The following SPATC1 variants were observed in gnomAD, a reference collection of about 807,000 sequenced individuals.
SPATC1 encodes the protein speriolin.
A neutral mutation model predicts 36.5 loss-of-function variants in SPATC1; 35 were observed. The observed-to-expected ratio is 0.96, with a 90% CI of 0.73 to 1.27. The LOEUF is 1.27. Ranked by LOEUF, SPATC1 falls within the 50% of genes most tolerant of loss-of-function variation. SPATC1 has a pLI of 0.00. For synonymous variants in SPATC1, 361 were observed against 353.6 expected (o/e 1.02, Z -0.24); for missense variants, 779 against 796.0 (o/e 0.98, Z 0.26).
Position 144,012,649 on chromosome 8 carries a change from C to G in SPATC1, c.134C>G (p.Ala45Gly). The G allele has an allele frequency of 1.9e-6, 3 of 1,551,720 alleles. No individual in the cohort carries two copies. Among genetic ancestry groups the G allele is most frequent in the Non-Finnish European group, 2.6e-6 (3 of 1,146,994 alleles). ...HELKSAIKTQ[A>G]GGLGISGFTS... ...CTCAAGTCAGCGATCAAGACTCAGG[C>G]AGGCGGGCTCGGCATCAGCGGGTTC... is the stretch of plus-strand genomic sequence containing the variant. Residue 45 changes from alanine to glycine, a missense_variant, in exon 1 of 5, where the codon GCA becomes GGA. Ala to Gly is a moderately conservative substitution (Grantham distance 60, BLOSUM62 0). Coordinates refer to ENST00000377470, the MANE Select transcript of SPATC1 (RefSeq NM_198572.3).
At position 144,012,379 on chromosome 8, in the gene SPATC1, C is replaced by A; in HGVS notation, c.-137C>A. 1 of 694,284 alleles carries A rather than the reference C, an allele frequency of 1.4e-6. No homozygotes were observed. Among genetic ancestry groups the A allele is most frequent in the South Asian group, 1.8e-5 (1 of 54,410 alleles). 43.0% of individuals were successfully genotyped at this position (694,284 alleles called of 1,614,324 possible). On this transcript the variant is annotated 5_prime_UTR_variant, in exon 1 of 5. Transcript: ENST00000377470. ...CAAGGAAGAGGGCACAGCCTCTGACCTCACAATACCCAGGGCCCACTGGGC... is the reference window on the plus strand; with the variant it reads ...CAAGGAAGAGGGCACAGCCTCTGACATCACAATACCCAGGGCCCACTGGGC...
intron 4 of SPATC1, among the ~76,000 whole-genome samples, chr8:144,044,171 A>G (rs781955780): frequency 2.0e-5 from 3 of 152,134 alleles, no homozygotes; most frequent in Admixed American, 6.5e-5. Flanking sequence ...CAATACATCA[A>G]TAATAGAGGT....
intron 1 of SPATC1, among the ~76,000 whole-genome samples, chr8:144,033,435 C>T (rs991525392): frequency 1.2e-3 from 187 of 152,148 alleles, no homozygotes; most frequent in African/African-American, 4.2e-3. Flanking sequence ...AGTTAAAATG[C>T]CTATGTTTTC....
At chr8:144,029,464 G>T (rs1834752976) in intron 1 of SPATC1, among the ~76,000 whole-genome samples, 1 of 152,154 alleles carries the variant, frequency 6.6e-6, no homozygotes, top group Admixed American at 6.5e-5. Flanking sequence ...CTACTCGGGA[G>T]GCTGAGGCAG....
rs782536764 is a variant in SPATC1, at chr8:144,041,311, C to T, written c.1386C>T (p.Phe462=). ...QLDRRILSSI[F]PERVRLYGFT... Reference sequence around the variant, plus strand: ...ACCGCAGGATCCTGTCCAGCATCTTCCCAGAGCGCGTACGGCTCTACGGCT... The same window carrying T: ...ACCGCAGGATCCTGTCCAGCATCTTTCCAGAGCGCGTACGGCTCTACGGCT... Residue 462 remains phenylalanine (F), a synonymous_variant, in exon 4 of 5, where the codon TTC becomes TTT. Coordinates refer to ENST00000377470, the MANE Select transcript of SPATC1 (RefSeq NM_198572.3). 1 of 1,613,148 alleles carries T rather than the reference C, an allele frequency of 6.2e-7. No homozygotes were observed. Among genetic ancestry groups the T allele is most frequent in the Non-Finnish European group, 8.5e-7 (1 of 1,180,030 alleles).
In SPATC1 at chr8:144,022,810, C is replaced by T. The variant is rs892550989; in HGVS notation, c.211+10084C>T. Among the ~76,000 whole-genome samples the T allele has an allele frequency of 2.6e-4, 38 of 148,866 alleles. 1 individual carries two copies. The highest frequency in any genetic ancestry group is 7.4e-4 in the African/African-American group (29 of 39,360). ...ACCCACTTCTCTGAAAACCCTCCCC[C>T]GTCAGGACCCTCTTTTCTAACGACC... On this transcript the variant is annotated intron_variant, in intron 1 of 4. Coordinates refer to ENST00000377470, the MANE Select transcript of SPATC1 (RefSeq NM_198572.3).
chr8:144,039,883 T>C, intron 1 of SPATC1, 26 bp from the exon 2 acceptor site: 1 of 1,597,892 alleles, frequency 6.3e-7, no homozygotes, highest in Non-Finnish European at 8.5e-7. Context: ...TCCCCTGGGG[T>C]CTCAGTGCTT....
rs563326708 is a variant in SPATC1, at chr8:144,039,390, C to T, written c.212-519C>T. The stretch of plus-strand genomic sequence containing the variant: ...CAGGGCAGGGACCATGCAAGGGTGC[C>T]GGGCCACGTGAGGCTCTGCCCATTG... On this transcript the variant is annotated intron_variant, in intron 1 of 4. Coordinates refer to ENST00000377470, the MANE Select transcript of SPATC1 (RefSeq NM_198572.3). Among the ~76,000 whole-genome samples the T allele has an allele frequency of 4.6e-5, 7 of 152,360 alleles. No homozygotes were observed. The East Asian group carries it at 5.8e-4, about 13-fold the overall frequency.
rs1465827037 is a variant in SPATC1 at position 144,047,073 on chromosome 8, C to T, written c.*117C>T. ...CCAGCGCTCCTGGGTGGTGCTGCCT[C>T]CTCTGGGGTGGCTCACCGGGCCCCG... On this transcript the variant is annotated 3_prime_UTR_variant, in exon 5 of 5. Transcript: ENST00000377470. This position sits in a 1 kb window ranked among gnomAD's most constrained non-coding sequence, Gnocchi z 4.1. 19 of 1,301,654 alleles carry T rather than the reference C, an allele frequency of 1.5e-5. No individual in the cohort carries two copies. The highest frequency in any genetic ancestry group is 1.9e-5 in the Non-Finnish European group (18 of 966,840). The allele number at this position is 1,301,654 out of a possible 1,614,324, so 80.6% of individuals were successfully genotyped here.
In SPATC1 at chr8:144,045,385, G is replaced by A. The variant is rs1157320452; in HGVS notation, c.1447-1242G>A. On this transcript the variant is annotated intron_variant, in intron 4 of 4. Coordinates refer to ENST00000377470, the MANE Select transcript of SPATC1 (RefSeq NM_198572.3). The surrounding 1 kb of genome is among the most constrained non-coding windows in gnomAD (Gnocchi z 5.2). ...GTTGACGTCACATTAACCGGGCCCG[G>A]TCCTGAGTCCAGCCCCAAGACTGGT... Among the ~76,000 whole-genome samples, 1 of 152,216 alleles carries A rather than the reference G, an allele frequency of 6.6e-6. No individual in the cohort carries two copies. The highest frequency in any genetic ancestry group is 1.5e-5 in the Non-Finnish European group (1 of 68,042).
intron 1 of SPATC1, among the ~76,000 whole-genome samples, chr8:144,036,414 T>G (rs1834899295): frequency 6.6e-6 from 1 of 152,056 alleles, no homozygotes; most frequent in Non-Finnish European, 1.5e-5. Flanking sequence ...AGCCCCAACC[T>G]CCTGGGATCA....
chr8:144,035,078 A>C lies in SPATC1; in HGVS notation c.212-4831A>C, dbSNP rs990522757. Reference sequence around the variant, plus strand: ...TTGAACATTTCATGATTTGCTGAACAATTTTTCCGTGGTTTGTTGTGCCAA... The same window carrying C: ...TTGAACATTTCATGATTTGCTGAACCATTTTTCCGTGGTTTGTTGTGCCAA... On this transcript the variant is annotated intron_variant, in intron 1 of 4. Transcript: ENST00000377470. Among the ~76,000 whole-genome samples, 817 of 150,114 alleles carry C rather than the reference A, an allele frequency of 5.4e-3. 4 individuals carry two copies. Among genetic ancestry groups the C allele is most frequent in the African/African-American group, 0.019 (754 of 39,534 alleles).
At chr8:144,018,436 A>T (rs1006792617) in intron 1 of SPATC1, among the ~76,000 whole-genome samples, 1 of 152,088 alleles carries the variant, frequency 6.6e-6, no homozygotes, top group African/African-American at 2.4e-5. Context: ...GGAGGGCATG[A>T]GGTCCAGAAC....
rs1587524361 is a variant in SPATC1, at chr8:144,040,168, G to A, written c.471G>A (p.Leu157=). ...GPLTGTLASS[L]GLPSTGTLTP... ...TAACAGGCACACTGGCCAGTTCCCTGGGCCTGCCCTCCACTGGCACCCTGA... is the reference window on the plus strand; with the variant it reads ...TAACAGGCACACTGGCCAGTTCCCTAGGCCTGCCCTCCACTGGCACCCTGA... Residue 157 remains leucine (L), a synonymous_variant, in exon 2 of 5, where the codon CTG becomes CTA. Transcript: ENST00000377470. The A allele has an allele frequency of 4.3e-6, 7 of 1,610,296 alleles. No homozygotes were observed. In the East Asian group the frequency reaches 1.6e-4, roughly 36 times the overall value.
chr8:144,014,391 A>G (rs1485461708), intron 1 of SPATC1, among the ~76,000 whole-genome samples: 1 of 120,492 alleles, frequency 8.3e-6, no homozygotes, highest in Non-Finnish European at 1.7e-5. Context: ...GAGGAGGAGA[A>G]GAAGAACAAG....
intron 1 of SPATC1, among the ~76,000 whole-genome samples, chr8:144,037,180 T>C (rs1390186112): frequency 1.9e-4 from 22 of 115,468 alleles, no homozygotes; most frequent in Admixed American, 1.4e-3. Context: ...GGCCGCCCCG[T>C]CCGGGAGGGA....
chr8:144,037,906 G>C (rs1834951607), intron 1 of SPATC1, among the ~76,000 whole-genome samples: 1 of 151,708 alleles, frequency 6.6e-6, no homozygotes, highest in South Asian at 2.1e-4. Context: ...AAGGCGGGCA[G>C]ATCATGAGGT....
At chr8:144,019,226 C>G (rs1457096416) in intron 1 of SPATC1, among the ~76,000 whole-genome samples, 1 of 152,144 alleles carries the variant, frequency 6.6e-6, no homozygotes, top group Non-Finnish European at 1.5e-5. Context: ...GGGAGGCAAG[C>G]AGGCAGTGCC....
chr8:144,037,731 T>C lies in SPATC1; in HGVS notation c.212-2178T>C, dbSNP rs1483014702. On this transcript the variant is annotated intron_variant, in intron 1 of 4. Transcript: ENST00000377470. ...GACCTTTGTTCACTTGTTTATCTGCTGACCTTCCCTCCACTATTGTCCTAT... is the reference window on the plus strand; with the variant it reads ...GACCTTTGTTCACTTGTTTATCTGCCGACCTTCCCTCCACTATTGTCCTAT... Among the ~76,000 whole-genome samples the C allele has an allele frequency of 6.8e-4, 104 of 151,826 alleles. 4 individuals carry two copies. The highest frequency in any genetic ancestry group is 1.5e-4 in the Non-Finnish European group (10 of 68,008).
Sources: gnomAD v4.1 joint callset for allele counts (sites outside exome capture counted in the v4.1 genomes callset) on GRCh38, gnomAD v4.1.1 for gene constraint, Gnocchi (gnomAD v3.1) non-coding constraint, MANE v1.5 for transcripts, NCBI Gene and HGNC (gene_info 2026-07-23, HGNC 2026-07-21) for gene names.